TCF20: variants seen among roughly 807,000 people sequenced by gnomAD.
The protein encoded by TCF20 is transcription factor 20.
A neutral mutation model predicts 148.6 loss-of-function variants in TCF20; 3 were observed. The observed-to-expected ratio is 0.02, with a 90% CI of 0.01 to 0.05. The LOEUF (loss-of-function observed/expected upper bound fraction) is 0.05. Among genes scored for constraint, TCF20 ranks in the 10% least tolerant of loss-of-function variants. TCF20 has a pLI of 1.00. For synonymous variants in TCF20, 1,049 were observed against 909.5 expected (o/e 1.15, Z -2.76); for missense variants, 2,350 against 2,429.3 (o/e 0.97, Z 0.69).
rs1601711783 is a variant in TCF20 at position 42,338,018 on chromosome 22, T to A, written c.-37+5461A>T. ...CTCAGATGGGCCACATGCCCCTTTC[T>A]CCACCAGTCACTGTGGCCAGAGGGA... is the stretch of plus-strand genomic sequence containing the variant. On this transcript the variant is annotated intron_variant, in intron 1 of 1. Transcript: ENST00000515426. The surrounding 1 kb of genome is among the most constrained non-coding windows in gnomAD (Gnocchi z 4.0). Among the ~76,000 whole-genome samples, 1 of 152,286 alleles carries A rather than the reference T, an allele frequency of 6.6e-6. No homozygotes were observed. The highest frequency in any genetic ancestry group is 2.4e-5 in the African/African-American group (1 of 41,560).
chr22:42,173,765 A>G (rs974631036), intron 3 of TCF20, among the ~76,000 whole-genome samples: 4 of 152,182 alleles, frequency 2.6e-5, no homozygotes, highest in African/African-American at 9.6e-5. Context: ...TGACCAAGAC[A>G]TGGTCATCTT....
intron 5 of TCF20, among the ~76,000 whole-genome samples, chr22:42,164,266 G>A (rs1210454829): frequency 1.4e-5 from 2 of 138,122 alleles, no homozygotes; most frequent in African/African-American, 5.7e-5. Context: ...CCAGGCTGGA[G>A]TGCAGTGGCA....
chr22:42,222,271 C>A (rs1037780468), intron 1 of TCF20, among the ~76,000 whole-genome samples: 62 of 152,172 alleles, frequency 4.1e-4, no homozygotes, highest in African/African-American at 1.4e-3. Context: ...ATGATCATCC[C>A]AAGCAAGAAG....
At chr22:42,225,937 C>T (rs962185483) in intron 1 of TCF20, among the ~76,000 whole-genome samples, 4 of 152,200 alleles carry the variant, frequency 2.6e-5, no homozygotes, top group South Asian at 2.1e-4. Context: ...AACCCACAGT[C>T]GGCAGGCCTA....
chr22:42,247,698 G>A (rs148126920), intron 1 of TCF20, among the ~76,000 whole-genome samples: 132 of 152,178 alleles, frequency 8.7e-4, no homozygotes, highest in African/African-American at 3.1e-3. Flanking sequence ...GGCAGTAGTT[G>A]GGAAGACACT....
At chr22:42,202,128 G>C (rs1018642670) in intron 2 of TCF20, among the ~76,000 whole-genome samples, 1 of 152,266 alleles carries the variant, frequency 6.6e-6, no homozygotes, top group East Asian at 1.9e-4. Flanking sequence ...ATTAAGTTCT[G>C]AACACCCCTG....
At chr22:42,205,961 A>C (rs1178827834) in intron 2 of TCF20, among the ~76,000 whole-genome samples, 3 of 152,210 alleles carry the variant, frequency 2.0e-5, no homozygotes, top group African/African-American at 7.2e-5. Flanking sequence ...TTTAGTAGAC[A>C]CGGGGTTTGA....
chr22:42,162,269 A>G lies in TCF20; in HGVS notation c.*45-911T>C, dbSNP rs181115725. ...TGGGATTACAGGCGTGAGCCACTAC[A>G]CCTGGCCCACAGTCAGTTCTTCATG... On this transcript the variant is annotated intron_variant, in intron 5 of 5. Transcript: ENST00000677622. 2.7e-3 allele frequency among the ~76,000 whole-genome samples: 412 copies of G among 152,050 alleles called. 3 individuals are homozygous for G. Among genetic ancestry groups the G allele is most frequent in the Non-Finnish European group, 5.3e-3 (358 of 67,968 alleles).
chr22:42,293,478 C>A (rs1357115072), intron 1 of TCF20, among the ~76,000 whole-genome samples: 4 of 152,216 alleles, frequency 2.6e-5, no homozygotes, highest in Admixed American at 2.6e-4. Flanking sequence ...GGGTGGTTCT[C>A]ATTCCACAAA....
intron 2 of TCF20, among the ~76,000 whole-genome samples, chr22:42,206,914 A>G (rs928285949): frequency 1.3e-5 from 2 of 152,198 alleles, no homozygotes; most frequent in African/African-American, 4.8e-5. Context: ...AAAGTGGATA[A>G]ACTTGCAAGA....
At chr22:42,220,829 G>A (rs923127717) in intron 1 of TCF20, among the ~76,000 whole-genome samples, 2 of 152,018 alleles carry the variant, frequency 1.3e-5, no homozygotes, top group Non-Finnish European at 2.9e-5. Flanking sequence ...CAGCTCCATC[G>A]GGCAACCTCA....
chr22:42,188,965 G>T (rs1937191554), intron 2 of TCF20, among the ~76,000 whole-genome samples: 1 of 152,172 alleles, frequency 6.6e-6, no homozygotes, highest in African/African-American at 2.4e-5. Flanking sequence ...ATTCTTGAGG[G>T]AGTGTAGCTT....
chr22:42,323,986 A>G (rs1367122593), intron 1 of TCF20, among the ~76,000 whole-genome samples: 1 of 33,290 alleles, frequency 3.0e-5, no homozygotes. Flanking sequence ...GGTGGAGGTT[A>G]TGGTGGTGGA....
rs1175452016 is a variant in TCF20, at chr22:42,213,432, T to C, written c.1874A>G (p.Lys625Arg). 27 of 1,614,162 alleles carry C rather than the reference T, an allele frequency of 1.7e-5. No homozygotes were observed. The highest frequency in any genetic ancestry group is 2.3e-5 in the Non-Finnish European group (27 of 1,180,034). The change falls in exon 2 of 6, where the codon AAA (lysine) becomes AGA (arginine). Residue 625 changes from lysine to arginine, a missense_variant. This residue lies in a region of TCF20 where 1,641 missense variants were observed against 1,662.6 expected (regional missense o/e 0.99). Coordinates refer to ENST00000677622, the MANE Select transcript of TCF20 (RefSeq NM_001378418.1). ...GRVEKPGGQD[K>R]GSQEDDPAAT... ...TGCAGGATCATCCTCTTGGGAGCCT[T>C]TATCTTGTCCACCAGGCTTTTCTAC...
At chr22:42,267,711 C>G (rs988155678) in intron 1 of TCF20, among the ~76,000 whole-genome samples, 2 of 150,912 alleles carry the variant, frequency 1.3e-5, no homozygotes, top group African/African-American at 4.9e-5. Context: ...AAAAAACAAA[C>G]AAAAAAGTGT....
intron 5 of TCF20, among the ~76,000 whole-genome samples, chr22:42,165,336 G>T (rs538864770): frequency 1.3e-5 from 2 of 152,372 alleles, no homozygotes; most frequent in Admixed American, 1.3e-4. Flanking sequence ...ATAGCATCCA[G>T]GATGCAGCAT....
At chr22:42,245,239 C>CGGCTATTTTTAATTTTGTAGCTGGG (rs1440568872) in intron 1 of TCF20, among the ~76,000 whole-genome samples, 2 of 152,020 alleles carry the variant, frequency 1.3e-5, no homozygotes, top group Non-Finnish European at 2.9e-5. Flanking sequence ...AGGCATGCAC[C>CGGCTATTTTTAATTTTGTAGCTGGG]ACTATGCCCG....
intron 1 of TCF20, among the ~76,000 whole-genome samples, chr22:42,312,874 C>G (rs562781573): frequency 9.9e-5 from 15 of 152,284 alleles, no homozygotes; most frequent in South Asian, 8.3e-4. Context: ...TGCCCAATGC[C>G]CAGGCCTCAA....
intron 1 of TCF20, among the ~76,000 whole-genome samples, chr22:42,222,426 C>A (rs1922462032): frequency 6.6e-6 from 1 of 152,140 alleles, no homozygotes; most frequent in South Asian, 2.1e-4. Context: ...GCTAGAATAA[C>A]ACCTGAAAAG....
Sources: gnomAD v4.1 joint callset for allele counts (sites outside exome capture counted in the v4.1 genomes callset) on GRCh38, gnomAD v4.1.1 for gene constraint, gnomAD v4.1.1 regional missense constraint, Gnocchi (gnomAD v3.1) non-coding constraint, MANE v1.5 for transcripts, NCBI Gene and HGNC (gene_info 2026-07-23, HGNC 2026-07-21) for gene names.